GLYATL2: variants seen among roughly 807,000 people sequenced by gnomAD.
GLYATL2 encodes glycine N-acyltransferase-like protein 2.
In GLYATL2, 25 loss-of-function variants were observed where a neutral mutation model predicts 21.4. The observed-to-expected ratio is 1.17, with a 90% CI of 0.85 to 1.63. The LOEUF is 1.63. GLYATL2 is among the 40% of genes most tolerant of loss of function. GLYATL2 has a pLI of 0.00. For synonymous variants in GLYATL2, 114 were observed against 118.2 expected, an observed-to-expected ratio of 0.96 and a Z score of 0.23; for missense variants, 361 against 343.3, an observed-to-expected ratio of 1.05 and a Z score of -0.41.
chr11:58,840,069 G>T (rs941591050), intron 1 of GLYATL2, among the ~76,000 whole-genome samples: 1 of 151,612 alleles, frequency 6.6e-6, no homozygotes, highest in Non-Finnish European at 1.5e-5. Flanking sequence ...CATAGCATGG[G>T]TACTATTTTC....
intron 1 of GLYATL2, among the ~76,000 whole-genome samples, chr11:58,886,433 C>T (rs1008716183): frequency 6.6e-6 from 1 of 152,128 alleles, no homozygotes; most frequent in Admixed American, 6.5e-5. Flanking sequence ...AGGCATTGTC[C>T]AATCTGAATT....
At chr11:58,862,486 T>A (rs1019688187) in intron 1 of GLYATL2, among the ~76,000 whole-genome samples, 1 of 152,200 alleles carries the variant, frequency 6.6e-6, no homozygotes, top group South Asian at 2.1e-4. Flanking sequence ...ATAGGATTTA[T>A]TCACTTTTTC....
chr11:58,834,847 A>G lies in GLYATL2; in HGVS notation c.477-10T>C. 2 of 1,553,310 alleles carry G rather than the reference A, an allele frequency of 1.3e-6. No individual in the cohort carries two copies. The highest frequency in any genetic ancestry group is 1.7e-6 in the Non-Finnish European group (2 of 1,154,134). Reference sequence around the variant, plus strand: ...TGAAAAGTTTCCTTCCCTGTGAAGAAAAAGAATTTTACATTTATTCAGCCA... The same window carrying G: ...TGAAAAGTTTCCTTCCCTGTGAAGAGAAAGAATTTTACATTTATTCAGCCA... On this transcript the variant is annotated splice_polypyrimidine_tract_variant and intron_variant, in intron 5 of 5. Coordinates refer to ENST00000287275, the MANE Select transcript of GLYATL2 (RefSeq NM_145016.4).
chr11:58,905,294 A>G (rs551385301), upstream of GLYATL2: 8 of 375,174 alleles, frequency 2.1e-5, no homozygotes, highest in Non-Finnish European at 4.3e-5. Context: ...CCTCACGCAG[A>G]CGCGGGTGCA....
intron 1 of GLYATL2, among the ~76,000 whole-genome samples, chr11:58,859,291 A>AT (rs1853889456): frequency 6.6e-6 from 1 of 150,890 alleles, no homozygotes; most frequent in African/African-American, 2.4e-5. Flanking sequence ...GAATACCTGG[A>AT]TTCCCCACTC....
chr11:58,871,197 T>C (rs1854112260), intron 1 of GLYATL2, among the ~76,000 whole-genome samples: 1 of 152,204 alleles, frequency 6.6e-6, no homozygotes, highest in Non-Finnish European at 1.5e-5. Flanking sequence ...GATACATATG[T>C]CTTGAGTTTG....
At chr11:58,867,091 T>C (rs895070444) in intron 1 of GLYATL2, among the ~76,000 whole-genome samples, 3 of 149,008 alleles carry the variant, frequency 2.0e-5, no homozygotes, top group African/African-American at 7.3e-5. Flanking sequence ...AGCCATGCGG[T>C]TCCCATTCCC....
At chr11:58,901,055 G>C (rs1366870450) in intron 1 of GLYATL2, among the ~76,000 whole-genome samples, 1 of 152,224 alleles carries the variant, frequency 6.6e-6, no homozygotes, top group Non-Finnish European at 1.5e-5. Flanking sequence ...ATCCAGGGCT[G>C]AGTGAGGTAT....
chr11:58,854,003 C>T (rs1478190217), intron 1 of GLYATL2, among the ~76,000 whole-genome samples: 8 of 152,162 alleles, frequency 5.3e-5, no homozygotes, highest in Admixed American at 5.2e-4. Flanking sequence ...ATACTCTCTG[C>T]TTCTATGAAT....
chr11:58,908,133 A>G (rs1250265091), upstream of GLYATL2: 1 of 152,250 alleles, frequency 6.6e-6, no homozygotes. Context: ...GTACTCTGCC[A>G]TACAGGCTCC....
chr11:58,843,420 G>A (rs10896851), intron 1 of GLYATL2, among the ~76,000 whole-genome samples: 4 of 151,692 alleles, frequency 2.6e-5, no homozygotes, highest in African/African-American at 9.7e-5. Flanking sequence ...ATGTAAAGAT[G>A]GACACTATGA....
upstream of GLYATL2, chr11:58,905,668 G>A (rs769838826): frequency 2.2e-6 from 1 of 455,306 alleles, no homozygotes; most frequent in South Asian, 1.5e-5. Flanking sequence ...CCTGGTACGC[G>A]GGAACTGGCT....
intron 1 of GLYATL2, among the ~76,000 whole-genome samples, chr11:58,855,314 T>A (rs1186449664): frequency 6.6e-6 from 1 of 152,210 alleles, no homozygotes; most frequent in African/African-American, 2.4e-5. Context: ...TGAAAAAAAA[T>A]TAATGTCCTT....
At chr11:58,868,338 C>T (rs915198741) in intron 1 of GLYATL2, among the ~76,000 whole-genome samples, 2 of 148,784 alleles carry the variant, frequency 1.3e-5, no homozygotes, top group African/African-American at 2.4e-5. Context: ...AGAATCGAAA[C>T]TCACCAGATG....
At chr11:58,858,791 C>G (rs1853879366) in intron 1 of GLYATL2, among the ~76,000 whole-genome samples, 1 of 152,208 alleles carries the variant, frequency 6.6e-6, no homozygotes, top group Non-Finnish European at 1.5e-5. Context: ...GGAATACCTA[C>G]AGCTTCTGGT....
At chr11:58,842,718 A>G (rs1853576060) in intron 1 of GLYATL2, among the ~76,000 whole-genome samples, 1 of 152,186 alleles carries the variant, frequency 6.6e-6, no homozygotes, top group African/African-American at 2.4e-5. Flanking sequence ...CAAATGAATG[A>G]CAATAAACAA....
At chr11:58,849,025 G>T (rs1030447728), upstream of GLYATL2, among the ~76,000 whole-genome samples, 1 of 152,286 alleles carries the variant, frequency 6.6e-6, no homozygotes, top group South Asian at 2.1e-4. Flanking sequence ...AAACCTAGGA[G>T]ACAGTGGCAT....
At chr11:58,903,044 C>T (rs73481069) in intron 1 of GLYATL2, among the ~76,000 whole-genome samples, 8,653 of 152,246 alleles carry the variant, frequency 0.057, 606 homozygotes, top group African/African-American at 0.17. Context: ...CACTTTTATA[C>T]TTAAGGAAGA....
At chr11:58,902,720 C>T (rs1854760912) in intron 1 of GLYATL2, among the ~76,000 whole-genome samples, 1 of 152,172 alleles carries the variant, frequency 6.6e-6, no homozygotes, top group South Asian at 2.1e-4. Flanking sequence ...AGTTACTTGG[C>T]CAAAAGTATT....
Sources: gnomAD v4.1 joint callset for allele counts (sites outside exome capture counted in the v4.1 genomes callset) on GRCh38, gnomAD v4.1.1 for gene constraint, MANE v1.5 for transcripts, NCBI Gene and HGNC (gene_info 2026-07-23, HGNC 2026-07-21) for gene names.